The following TTC39B variants were observed in gnomAD, a reference collection of about 807,000 sequenced individuals.
TTC39B encodes the protein tetratricopeptide repeat domain 39B.
In TTC39B, 92 loss-of-function variants were observed where a neutral mutation model predicts 96.6. That is an observed-to-expected ratio of 0.95 (90% confidence interval 0.80 to 1.13). The LOEUF is 1.13. TTC39B is among the 50% of genes most tolerant of loss of function. The pLI, the probability that TTC39B is intolerant of heterozygous loss-of-function variation, is 0.00. For synonymous variants in TTC39B, 367 were observed against 299.4 expected, an observed-to-expected ratio of 1.23 and a Z score of -2.33; for missense variants, 955 against 809.3, an observed-to-expected ratio of 1.18 and a Z score of -2.18.
At chr9:15,182,906 T>A (rs1026774812) in intron 16 of TTC39B, among the ~76,000 whole-genome samples, 2 of 152,204 alleles carry the variant, frequency 1.3e-5, no homozygotes, top group South Asian at 2.1e-4. Flanking sequence ...TAATCCAATA[T>A]GCAGAAAACG....
chr9:15,204,017 G>T, intron 6 of TTC39B, 127 bp from the exon 7 acceptor site: 2 of 732,418 alleles, frequency 2.7e-6, no homozygotes, highest in Middle Eastern at 4.0e-4. Context: ...TTGCCCTTGT[G>T]CTTCCACAAA....
At chr9:15,271,854 T>C (rs920184311) in intron 1 of TTC39B, among the ~76,000 whole-genome samples, 2 of 152,240 alleles carry the variant, frequency 1.3e-5, no homozygotes, top group African/African-American at 4.8e-5. Flanking sequence ...TGAAATAAAA[T>C]TTTGACATGC....
At chr9:15,239,179 A>G (rs192936329) in intron 2 of TTC39B, among the ~76,000 whole-genome samples, 3 of 152,318 alleles carry the variant, frequency 2.0e-5, no homozygotes, top group Non-Finnish European at 2.9e-5. Flanking sequence ...CAACATCACT[A>G]ATCATCAGAG....
intron 1 of TTC39B, among the ~76,000 whole-genome samples, chr9:15,269,364 T>TAATGAATG (rs201644871): frequency 3.9e-5 from 6 of 152,108 alleles, no homozygotes; most frequent in Non-Finnish European, 7.4e-5. Flanking sequence ...ACTTGTTGCC[T>TAATGAATG]AATGAATGAA....
At chr9:15,210,220 G>C (rs928713599) in intron 5 of TTC39B, 56 bp from the exon 6 acceptor site, 1 of 1,232,756 alleles carries the variant, frequency 8.1e-7, no homozygotes. Flanking sequence ...ATCAGGCTGA[G>C]CTCATTTTCA....
intron 8 of TTC39B, 89 bp downstream of exon 8, chr9:15,199,772 T>G: frequency 5.6e-6 from 1 of 179,682 alleles, no homozygotes; most frequent in Non-Finnish European, 1.2e-5. Flanking sequence ...AAAAAAATCC[T>G]AGTCAAACTT....
At chr9:15,250,425 AG>A (rs1041789633) in intron 2 of TTC39B, among the ~76,000 whole-genome samples, 2 of 152,074 alleles carry the variant, frequency 1.3e-5, no homozygotes, top group Non-Finnish European at 2.9e-5. Flanking sequence ...AAAAAAAAAA[AG>A]AATGATCCCT....
chr9:15,226,074 CCAG>C, intron 2 of TTC39B, 62 bp from the exon 3 acceptor site: 4 of 1,397,050 alleles, frequency 2.9e-6, no homozygotes, highest in Non-Finnish European at 4.0e-6. Context: ...AAAGTCTACA[CCAG>C]TGCAATTACA....
chr9:15,250,174 T>A (rs2131502636), intron 2 of TTC39B: 1 of 1,190,508 alleles, frequency 8.4e-7, no homozygotes, highest in Non-Finnish European at 1.1e-6. Context: ...TTAAGACATG[T>A]CAGTTAAAGT....
Position 15,279,916 on chromosome 9 carries a change from G to C in TTC39B, c.241-11968C>G, listed in dbSNP as rs948338550. ...TCTTTTTTTTTTTTTTTTTTTTTGA[G>C]ACGGAGTCTCACTCTGTCACCCAGG... On this transcript the variant is annotated intron_variant, in intron 1 of 19. Transcript: ENST00000512701. Among the ~76,000 whole-genome samples, 19 of 101,078 alleles carry C rather than the reference G, an allele frequency of 1.9e-4. No homozygotes were observed. In the South Asian group the frequency reaches 6.1e-3, roughly 32 times the overall value. The allele number at this position is 101,078 out of a possible 152,430, so 66.3% of individuals were successfully genotyped here.
chr9:15,190,590 T>C, exon 11 of TTC39B: 9 of 1,614,174 alleles, frequency 5.6e-6, no homozygotes, highest in African/African-American at 1.3e-5. Flanking sequence ...AAAGCTAAGA[T>C]GGTTAAGCAG....
In TTC39B at chr9:15,214,244, GA is replaced by G; in HGVS notation, c.376del (p.Ser126HisfsTer18). 1 of 1,612,108 alleles carries G rather than the reference GA, an allele frequency of 6.2e-7. No individual in the cohort carries two copies. Among genetic ancestry groups the G allele is most frequent in the Non-Finnish European group, 8.5e-7 (1 of 1,178,556 alleles). On this transcript the variant is annotated frameshift_variant, in exon 4 of 20. Coordinates refer to ENST00000512701, the Ensembl canonical transcript of TTC39B. LOFTEE classifies it high-confidence loss of function. ...ACTCTTGAGATCCACCTTGGTTGAT[GA>G]TGAACTAAAGATCAAGAAAAAAGCA...
chr9:15,169,960 T>C (rs372390190), exon 20 of TTC39B: 1 of 152,152 alleles, frequency 6.6e-6, no homozygotes, highest in East Asian at 1.9e-4. Context: ...ATGCTCAGTA[T>C]ACCCACAGTC....
intron 2 of TTC39B, among the ~76,000 whole-genome samples, chr9:15,255,909 A>G (rs993260817): frequency 6.6e-6 from 1 of 152,026 alleles, no homozygotes; most frequent in Non-Finnish European, 1.5e-5. Context: ...TGTGCCCTAT[A>G]CTCATTAGGA....
chr9:15,175,441 C>A lies in TTC39B; in HGVS notation c.1842-306G>T, dbSNP rs77833781. Among the ~76,000 whole-genome samples, 6,257 of 152,030 alleles carry A rather than the reference C, an allele frequency of 0.041. 206 individuals carry two copies. Among genetic ancestry groups the A allele is most frequent in the Non-Finnish European group, 0.058 (3,931 of 67,946 alleles). On this transcript the variant is annotated intron_variant, in intron 18 of 19. Transcript: ENST00000512701. ...GAAATGGCAAGATCATCTTTCTGAA[C>A]ACAAATGTGTTCAGAAAATGACTCC... is the stretch of plus-strand genomic sequence containing the variant.
At chr9:15,235,533 C>T (rs549825464) in intron 2 of TTC39B, among the ~76,000 whole-genome samples, 2 of 152,164 alleles carry the variant, frequency 1.3e-5, no homozygotes, top group South Asian at 4.1e-4. Context: ...AAGGTCAACA[C>T]TAAAGAAAAA....
intron 2 of TTC39B, among the ~76,000 whole-genome samples, chr9:15,229,966 C>G (rs1372518659): frequency 6.6e-6 from 1 of 152,212 alleles, no homozygotes; most frequent in Non-Finnish European, 1.5e-5. Flanking sequence ...AGGAAATCTA[C>G]AGAGAATTGT....
At position 15,226,170 on chromosome 9, in the gene TTC39B, T is replaced by C. The variant is rs10961921; in HGVS notation, c.276-158A>G. ...AAAATCAAGTAACAAAAATCTACTG[T>C]TATGTGTCAAACATTCCTGAAATAC... On this transcript the variant is annotated intron_variant, in intron 2 of 19. Transcript: ENST00000512701. Among the ~76,000 whole-genome samples, 15 of 152,348 alleles carry C rather than the reference T, an allele frequency of 9.8e-5. No individual in the cohort carries two copies. The East Asian group carries it at 2.1e-3, about 22-fold the overall frequency.
intron 1 of TTC39B, among the ~76,000 whole-genome samples, chr9:15,296,070 G>C (rs1432172685): frequency 6.6e-6 from 1 of 152,166 alleles, no homozygotes. Flanking sequence ...CTGAGTGTAA[G>C]GACTGTGACT....
Sources: gnomAD v4.1 joint callset for allele counts (sites outside exome capture counted in the v4.1 genomes callset) on GRCh38, gnomAD v4.1.1 for gene constraint, MANE v1.5 for transcripts, NCBI Gene and HGNC (gene_info 2026-07-23, HGNC 2026-07-21) for gene names.